SAMD4A: variants seen among roughly 807,000 people sequenced by gnomAD.
SAMD4A encodes the protein protein Smaug homolog 1.
In SAMD4A, 33 loss-of-function variants were observed where a neutral mutation model predicts 81.3. The observed-to-expected ratio is 0.41, with a 90% confidence interval of 0.31 to 0.54. The LOEUF (loss-of-function observed/expected upper bound fraction) is 0.54. Ranked by LOEUF, SAMD4A falls within the 20% of genes least tolerant of loss-of-function variation. The pLI is 0.37. For missense variants in SAMD4A, 854 were observed against 951.1 expected (o/e 0.90, Z 1.34); for synonymous variants, 389 against 382.1 (o/e 1.02, Z -0.21).
At chr14:54,664,035 T>C (rs1455167810) in intron 2 of SAMD4A, among the ~76,000 whole-genome samples, 1 of 152,194 alleles carries the variant, frequency 6.6e-6, no homozygotes, top group East Asian at 1.9e-4. Context: ...ATTGTTGCCT[T>C]GAAAAGACTT....
chr14:54,752,588 G>A (rs990629748), intron 6 of SAMD4A, among the ~76,000 whole-genome samples: 1 of 152,190 alleles, frequency 6.6e-6, no homozygotes, highest in South Asian at 2.1e-4. Context: ...AGATGTGTGT[G>A]TGTATAATTT....
intron 2 of SAMD4A, among the ~76,000 whole-genome samples, chr14:54,570,204 T>C (rs1007953025): frequency 6.6e-6 from 1 of 152,314 alleles, no homozygotes. Flanking sequence ...CAGAAATTTC[T>C]TAGGAGGTCA....
At position 54,789,343 on chromosome 14, in the gene SAMD4A, G is replaced by A. The variant is rs1261710373; in HGVS notation, c.*399G>A. On this transcript the variant is annotated 3_prime_UTR_variant, in exon 13 of 13. Coordinates refer to ENST00000554335, the MANE Select transcript of SAMD4A (RefSeq NM_015589.6). ...CTGGCCCTGGGGAGGCTTCTCGGAA[G>A]GCCTGGCTTCACAGGCAGGCCACAG... 4.5e-6 allele frequency: 1 copy of A among 224,150 alleles called. No homozygotes were observed. The highest frequency in any genetic ancestry group is 1.1e-4 in the East Asian group (1 of 9,112). 13.9% of individuals were successfully genotyped at this position (224,150 alleles called of 1,614,324 possible).
At position 54,760,163 on chromosome 14, in the gene SAMD4A, C is replaced by T; in HGVS notation, c.1179C>T (p.Asp393=). The T allele has an allele frequency of 6.2e-7, 1 of 1,611,794 alleles. No individual in the cohort carries two copies. Among genetic ancestry groups the T allele is most frequent in the Non-Finnish European group, 8.5e-7 (1 of 1,179,478 alleles). ...RQNLLKSLER[D]IIEGGSLRIP... ...GTCTTCCTGCTCTCACCGTCCAGGA[C>T]ATCATCGAGGGGGGCAGCCTGCGCA... is the stretch of plus-strand genomic sequence containing the variant. The change falls in exon 7 of 13, where the codon GAC becomes GAT. Residue 393 remains aspartate (D), a splice_region_variant and synonymous_variant. Transcript: ENST00000554335.
intron 3 of SAMD4A, among the ~76,000 whole-genome samples, chr14:54,725,076 G>A (rs532804719): frequency 2.3e-4 from 35 of 152,270 alleles, no homozygotes; most frequent in Non-Finnish European, 3.7e-4. Flanking sequence ...ACAAATATCC[G>A]ATGAATGAAT....
At chr14:54,592,985 A>G (rs375342611) in intron 2 of SAMD4A, among the ~76,000 whole-genome samples, 3 of 152,196 alleles carry the variant, frequency 2.0e-5, no homozygotes, top group Non-Finnish European at 2.9e-5. Context: ...GCATTTTCCA[A>G]TGTCACTAAA....
At chr14:54,737,538 CTCTCTT>C (rs1355075372) in intron 4 of SAMD4A, among the ~76,000 whole-genome samples, 8 of 102,562 alleles carry the variant, frequency 7.8e-5, no homozygotes, top group African/African-American at 3.2e-4. Context: ...CTCTCTCTCT[CTCTCTT>C]TTTTTTTTTT....
chr14:54,565,338 G>A (rs1406043139), upstream of SAMD4A, among the ~76,000 whole-genome samples: 1 of 152,258 alleles, frequency 6.6e-6, no homozygotes, highest in Admixed American at 6.5e-5. The surrounding 1 kb of genome is among the most constrained non-coding windows in gnomAD (Gnocchi z 5.4). Context: ...CCGCGCGCCA[G>A]GCACAGCTCC....
intron 2 of SAMD4A, among the ~76,000 whole-genome samples, chr14:54,643,258 T>C (rs900336163): frequency 2.6e-5 from 4 of 152,208 alleles, no homozygotes; most frequent in Non-Finnish European, 1.5e-5. Flanking sequence ...TTCCAAATGG[T>C]CTTCCCCGAT....
chr14:54,687,541 A>G (rs2036306610), intron 2 of SAMD4A: 1 of 365,508 alleles, frequency 2.7e-6, no homozygotes, highest in South Asian at 2.1e-5. Context: ...TAAATGGGGT[A>G]TGTTACTAAG....
intron 2 of SAMD4A, among the ~76,000 whole-genome samples, chr14:54,683,876 A>G (rs962732426): frequency 1.3e-5 from 2 of 152,210 alleles, no homozygotes; most frequent in Non-Finnish European, 2.9e-5. Context: ...CCCAGAAGCC[A>G]AAAGACTCAC....
intron 2 of SAMD4A, among the ~76,000 whole-genome samples, chr14:54,664,032 C>G (rs1385820820): frequency 1.3e-5 from 2 of 152,048 alleles, no homozygotes; most frequent in Non-Finnish European, 2.9e-5. Context: ...TATATTGTTG[C>G]CTTGAAAAGA....
intron 2 of SAMD4A, among the ~76,000 whole-genome samples, chr14:54,592,757 C>T (rs568111971): frequency 9.8e-5 from 15 of 152,326 alleles, no homozygotes; most frequent in Middle Eastern, 3.4e-3. Flanking sequence ...CCGCACCCGG[C>T]CATTGTTAAC....
At chr14:54,772,918 C>T (rs1226000017) in intron 9 of SAMD4A, among the ~76,000 whole-genome samples, 6 of 152,108 alleles carry the variant, frequency 3.9e-5, no homozygotes, top group Non-Finnish European at 2.9e-5. Flanking sequence ...ACTTATTCTA[C>T]CCCTCCTGGC....
At position 54,687,157 on chromosome 14, in the gene SAMD4A, T is replaced by A; in HGVS notation, c.197-14905T>A. 8 of 353,806 alleles carry A rather than the reference T, an allele frequency of 2.3e-5. No homozygotes were observed. The East Asian group carries it at 5.9e-4, about 26-fold the overall frequency. 21.9% of individuals were successfully genotyped at this position (353,806 alleles called of 1,614,324 possible). On this transcript the variant is annotated intron_variant, in intron 2 of 12. Transcript: ENST00000554335. ...CATACAGAAAACTTCTAACATTATATAAAGAAGTGATGACCTTTGTTTTTT... is the reference window on the plus strand; with the variant it reads ...CATACAGAAAACTTCTAACATTATAAAAAGAAGTGATGACCTTTGTTTTTT...
intron 2 of SAMD4A, among the ~76,000 whole-genome samples, chr14:54,590,075 T>A (rs763088729): frequency 6.6e-6 from 1 of 152,242 alleles, no homozygotes; most frequent in Non-Finnish European, 1.5e-5. Context: ...AAAAATAGTT[T>A]GTGGGATATA....
intron 2 of SAMD4A, chr14:54,685,790 TC>T (rs1176459316): frequency 2.2e-6 from 1 of 456,616 alleles, no homozygotes; most frequent in Non-Finnish European, 4.4e-6. Context: ...TCTCCAGAAT[TC>T]CATGATTTTC....
intron 2 of SAMD4A, among the ~76,000 whole-genome samples, chr14:54,592,455 T>A (rs888275456): frequency 1.7e-4 from 26 of 152,030 alleles, no homozygotes; most frequent in African/African-American, 5.8e-4. Flanking sequence ...TGTTAACACA[T>A]TTTTTTTCTT....
intron 2 of SAMD4A, among the ~76,000 whole-genome samples, chr14:54,619,133 T>A (rs2140295431): frequency 6.6e-6 from 1 of 152,322 alleles, no homozygotes; most frequent in Middle Eastern, 3.4e-3. Flanking sequence ...GAACTGTAAG[T>A]GGGAAAATTG....
Sources: gnomAD v4.1 joint callset for allele counts (sites outside exome capture counted in the v4.1 genomes callset) on GRCh38, gnomAD v4.1.1 for gene constraint, Gnocchi (gnomAD v3.1) non-coding constraint, MANE v1.5 for transcripts, NCBI Gene and HGNC (gene_info 2026-07-23, HGNC 2026-07-21) for gene names.